The following MSANTD4 variants were observed in gnomAD, a reference collection of about 807,000 sequenced individuals.
MSANTD4 encodes the protein myb/SANT-like DNA-binding domain-containing protein 4.
A neutral mutation model predicts 34.3 loss-of-function variants in MSANTD4; 13 were observed. That is an observed-to-expected ratio of 0.38 (90% CI 0.25 to 0.60). The LOEUF is 0.60. Among genes scored for constraint, MSANTD4 ranks in the 20% least tolerant of loss-of-function variants. The pLI, the probability that MSANTD4 is intolerant of heterozygous loss-of-function variation, is 0.63. For missense variants in MSANTD4, 358 were observed against 401.8 expected (o/e 0.89, Z 0.93); for synonymous variants, 137 against 145.2 (o/e 0.94, Z 0.41).
At position 106,008,568 on chromosome 11, in the gene MSANTD4, TA is replaced by T. The variant is rs1315594021; in HGVS notation, c.*966del. 1.3e-5 allele frequency: 2 copies of T among 152,234 alleles called. No homozygotes were observed. Among genetic ancestry groups the T allele is most frequent in the Non-Finnish European group, 2.9e-5 (2 of 68,044 alleles). 9.4% of individuals were successfully genotyped at this position (152,234 alleles called of 1,614,324 possible). ...CCCAAATGGCTGCTATTACTTATTTTAAAAGTCAAACAATCAGTCATTGGGT... is the reference window on the plus strand; with the variant it reads ...CCCAAATGGCTGCTATTACTTATTTTAAAGTCAAACAATCAGTCATTGGGT... On this transcript the variant is annotated 3_prime_UTR_variant, in exon 3 of 3. Transcript: ENST00000301919.
At chr11:106,012,381 C>T (rs1287093901) in intron 1 of MSANTD4, among the ~76,000 whole-genome samples, 1 of 152,096 alleles carries the variant, frequency 6.6e-6, no homozygotes, top group Non-Finnish European at 1.5e-5. Flanking sequence ...TAATTATGTG[C>T]CTTTCTTTGG....
At chr11:106,018,555 A>C in intron 1 of MSANTD4, among the ~76,000 whole-genome samples, 1 of 152,212 alleles carries the variant, frequency 6.6e-6, no homozygotes, top group East Asian at 1.9e-4. Context: ...TTAAGAGTTT[A>C]CTTGGTGAAA....
rs1447914576 is a variant in MSANTD4, at chr11:106,021,379, T to C, written c.-568A>G. 6.6e-6 allele frequency: 1 copy of C among 152,228 alleles called. No individual in the cohort carries two copies. The highest frequency in any genetic ancestry group is 1.5e-5 in the Non-Finnish European group (1 of 68,034). 9.4% of individuals were successfully genotyped at this position (152,228 alleles called of 1,614,324 possible). On this transcript the variant is annotated 5_prime_UTR_variant, in exon 1 of 3. Coordinates refer to ENST00000301919, the MANE Select transcript of MSANTD4 (RefSeq NM_032424.3). ...TTACGTAATCCTTGTGAAGATGATGTACTGCCAATGGCATAATATAACCAG... is the reference window on the plus strand; with the variant it reads ...TTACGTAATCCTTGTGAAGATGATGCACTGCCAATGGCATAATATAACCAG...
At chr11:106,014,945 AAAAG>A (rs1407939815) in intron 1 of MSANTD4, among the ~76,000 whole-genome samples, 7 of 84 alleles carry the variant, frequency 0.083, 1 homozygote, top group Admixed American at 0.2. Flanking sequence ...ATGCAAAAAC[AAAAG>A]AAAAGAAGAC....
rs778582356 is a variant in MSANTD4, at chr11:106,009,253, T to C, written c.*282A>G. On this transcript the variant is annotated 3_prime_UTR_variant, in exon 3 of 3. Transcript: ENST00000301919. ...GATGAGAACTTCTGGGCTAGAATTT[T>C]ATATGGACATAATTGTAAACTCTGG... 1.5e-5 allele frequency: 4 copies of C among 272,770 alleles called. No individual in the cohort carries two copies. Among genetic ancestry groups the C allele is most frequent in the Non-Finnish European group, 2.7e-5 (4 of 145,738 alleles). 16.9% of individuals were successfully genotyped at this position (272,770 alleles called of 1,614,324 possible). A position where few individuals can be genotyped will look rare whatever the true frequency, so the allele number is the denominator to read the frequency against.
intron 1 of MSANTD4, among the ~76,000 whole-genome samples, chr11:106,011,746 T>TTGAA (rs1859699947): frequency 6.6e-6 from 1 of 152,212 alleles, no homozygotes; most frequent in Admixed American, 6.5e-5. Flanking sequence ...TAAATATGTT[T>TTGAA]TGAATGAATG....
Position 106,010,846 on chromosome 11 carries a change from A to C in MSANTD4, c.72T>G (p.Ile24Met). The change falls in exon 2 of 3, where the codon ATT becomes ATG. Residue 24 changes from isoleucine (I) to methionine (M), a missense_variant. This residue lies in a region of MSANTD4 where 46 missense variants were observed against 84.3 expected (regional missense o/e 0.55). Transcript: ENST00000301919. ...AAAAAATGACTTCTTTCCTTTTCGT[A>C]ATTTCTTTCAAAAGGGTCTGAGTTT... is the stretch of plus-strand genomic sequence containing the variant. ...VQETQTLLKE[I>M]TKRKEVIFSK... 24 of 1,613,850 alleles carry C rather than the reference A, an allele frequency of 1.5e-5. No homozygotes were observed. Among genetic ancestry groups the C allele is most frequent in the Non-Finnish European group, 2.0e-5 (24 of 1,179,948 alleles).
chr11:106,014,416 T>A (rs1859785909), intron 1 of MSANTD4, among the ~76,000 whole-genome samples: 1 of 152,234 alleles, frequency 6.6e-6, no homozygotes, highest in Admixed American at 6.5e-5. Context: ...AGTTATCATG[T>A]CTCAGTTTAC....
intron 1 of MSANTD4, among the ~76,000 whole-genome samples, chr11:106,019,563 G>A (rs1308387467): frequency 6.6e-6 from 1 of 152,026 alleles, no homozygotes. Context: ...CTTTTCGTCA[G>A]GCCAATGCCT....
chr11:106,019,516 T>C (rs2134962066), intron 1 of MSANTD4, among the ~76,000 whole-genome samples: 1 of 152,302 alleles, frequency 6.6e-6, no homozygotes, highest in East Asian at 1.9e-4. Flanking sequence ...ACACATATAT[T>C]TCCCCAGGTC....
Position 106,009,493 on chromosome 11 carries a change from T to C in MSANTD4, c.*42A>G. 1.3e-6 allele frequency: 2 copies of C among 1,533,368 alleles called. No homozygotes were observed. The highest frequency in any genetic ancestry group is 1.8e-6 in the Non-Finnish European group (2 of 1,137,776). 95.0% of individuals were successfully genotyped at this position (1,533,368 alleles called of 1,614,324 possible). On this transcript the variant is annotated 3_prime_UTR_variant, in exon 3 of 3. Transcript: ENST00000301919. ...ATTATATCACCTGATATGAGAAAAA[T>C]CTAGAGTTTTCAAACATTTGCTAAA... is the stretch of plus-strand genomic sequence containing the variant.
rs1257723905 is a variant in MSANTD4, at chr11:106,008,697, T to C, written c.*838A>G. On this transcript the variant is annotated 3_prime_UTR_variant, in exon 3 of 3. Coordinates refer to ENST00000301919, the MANE Select transcript of MSANTD4 (RefSeq NM_032424.3). ...CAGTACATTACTGAAATGACATTTT[T>C]GTACCCAAACTAAGACAATGACTGA... The C allele has an allele frequency of 1.3e-5, 2 of 152,224 alleles. No individual in the cohort carries two copies. Among genetic ancestry groups the C allele is most frequent in the Admixed American group, 6.5e-5 (1 of 15,280 alleles). 9.4% of individuals were successfully genotyped at this position (152,224 alleles called of 1,614,324 possible). A position where few individuals can be genotyped will look rare whatever the true frequency, so the allele number is the denominator to read the frequency against.
intron 1 of MSANTD4, among the ~76,000 whole-genome samples, chr11:106,014,175 C>T (rs1018433595): frequency 4.6e-5 from 7 of 152,148 alleles, no homozygotes; most frequent in African/African-American, 1.4e-4. Context: ...TAAGACTAAG[C>T]AATCAGAAGC....
chr11:106,008,417 T>C lies in MSANTD4; in HGVS notation c.*1118A>G, dbSNP rs377531782. The C allele has an allele frequency of 2.6e-5, 4 of 152,338 alleles. No individual in the cohort carries two copies. Among genetic ancestry groups the C allele is most frequent in the South Asian group, 4.1e-4 (2 of 4,832 alleles). 9.4% of individuals were successfully genotyped at this position (152,338 alleles called of 1,614,324 possible). On this transcript the variant is annotated 3_prime_UTR_variant, in exon 3 of 3. Transcript: ENST00000301919. ...TAACGACAGATACAACTCTCAAGAATTGTTCTACATATTAGGTTAGATAGT... is the reference window on the plus strand; with the variant it reads ...TAACGACAGATACAACTCTCAAGAACTGTTCTACATATTAGGTTAGATAGT...
chr11:106,020,274 A>C (rs922961594), intron 1 of MSANTD4, among the ~76,000 whole-genome samples: 21 of 152,324 alleles, frequency 1.4e-4, no homozygotes, highest in African/African-American at 5.1e-4. Flanking sequence ...AAGTATCAGG[A>C]ATTAAAGCTG....
chr11:106,009,983 G>C lies in MSANTD4; in HGVS notation c.590C>G (p.Ala197Gly). ...TACGAGCAAATGAGGCTCATCATATGCAGATCTAGATGGTGTTGAGTTAAG... is the reference window on the plus strand; with the variant it reads ...TACGAGCAAATGAGGCTCATCATATCCAGATCTAGATGGTGTTGAGTTAAG... ...FTLNSTPSRS[A>G]YDEPHLLVNI... The change falls in exon 3 of 3, where the codon GCA becomes GGA. Residue 197 changes from alanine (A) to glycine (G), a missense_variant. Ala to Gly is a moderately conservative substitution (Grantham distance 60). Transcript: ENST00000301919. The C allele has an allele frequency of 6.2e-7, 1 of 1,610,498 alleles. No homozygotes were observed. The highest frequency in any genetic ancestry group is 8.5e-7 in the Non-Finnish European group (1 of 1,179,944).
Position 106,021,344 on chromosome 11 carries a change from T to C in MSANTD4, c.-533A>G, listed in dbSNP as rs1211647694. The C allele has an allele frequency of 6.6e-6, 1 of 152,318 alleles. No individual in the cohort carries two copies. The highest frequency in any genetic ancestry group is 1.5e-5 in the Non-Finnish European group (1 of 68,030). 9.4% of individuals were successfully genotyped at this position (152,318 alleles called of 1,614,324 possible). A position where few individuals can be genotyped will look rare whatever the true frequency, so the allele number is the denominator to read the frequency against. ...TCACTAGTTGGAAACAGGAATGAGA[T>C]GTAGTTCACTTACGTAATCCTTGTG... is the stretch of plus-strand genomic sequence containing the variant. On this transcript the variant is annotated 5_prime_UTR_variant, in exon 1 of 3. Transcript: ENST00000301919.
At position 106,009,999 on chromosome 11, in the gene MSANTD4, T is replaced by C. The variant is rs772692483; in HGVS notation, c.574A>G (p.Thr192Ala). 18 of 1,608,348 alleles carry C rather than the reference T, an allele frequency of 1.1e-5. No homozygotes were observed. Among genetic ancestry groups the C allele is most frequent in the Non-Finnish European group, 1.5e-5 (18 of 1,179,940 alleles). Residue 192 changes from threonine (T) to alanine (A), a missense_variant, in exon 3 of 3, where the codon ACA (threonine) becomes GCA (alanine). By Grantham distance (58) the Thr-to-Ala change is moderately conservative. Around this residue, in one of 2 missense-constraint regions of MSANTD4, gnomAD observed 312 missense variants for 317.6 expected, o/e 0.98. Coordinates refer to ENST00000301919, the MANE Select transcript of MSANTD4 (RefSeq NM_032424.3). ...HIDEFFTLNS[T>A]PSRSAYDEPH... The stretch of plus-strand genomic sequence containing the variant: ...TCATCATATGCAGATCTAGATGGTG[T>C]TGAGTTAAGGGTAAAAAACTCATCA...
At chr11:106,022,247 A>T (rs1860068776), upstream of MSANTD4, 1 of 152,432 alleles carries the variant, frequency 6.6e-6, no homozygotes, top group African/African-American at 2.4e-5. Context: ...GTAGGAAAAA[A>T]GATGCTTCAT....
Sources: allele counts gnomAD v4.1 joint callset (sites outside exome capture counted in the v4.1 genomes callset), GRCh38; gene constraint gnomAD v4.1.1; regional missense constraint gnomAD v4.1.1; transcripts MANE v1.5; gene names NCBI Gene and HGNC (gene_info 2026-07-23, HGNC 2026-07-21).